The following DOK5 variants were observed in gnomAD, a reference collection of about 807,000 sequenced individuals.
DOK5 encodes downstream of tyrosine kinase 5.
Under a neutral mutation model 43.3 loss-of-function variants are expected in DOK5, and 27 were observed. The ratio of observed to expected loss-of-function variants is 0.62; its 90% CI spans 0.46 to 0.86. DOK5 has a LOEUF of 0.86. Ranked by LOEUF, DOK5 falls within the 40% of genes least tolerant of loss-of-function variation. The probability of loss-of-function intolerance (pLI) is 0.00; values close to 1 mark genes in which losing one functional copy is unlikely to be tolerated. For synonymous variants in DOK5, 146 were observed against 140.1 expected (o/e 1.04, Z -0.30); for missense variants, 373 against 392.9 (o/e 0.95, Z 0.43).
intron 1 of DOK5, among the ~76,000 whole-genome samples, chr20:54,529,262 G>A (rs1383007610): frequency 6.6e-6 from 1 of 152,150 alleles, no homozygotes; most frequent in Non-Finnish European, 1.5e-5. Context: ...TCTTGAAGTA[G>A]TATATTCCAT....
intron 1 of DOK5, among the ~76,000 whole-genome samples, chr20:54,507,497 G>A (rs961668936): frequency 2.6e-5 from 4 of 152,014 alleles, no homozygotes; most frequent in African/African-American, 9.7e-5. Context: ...TTTCTACTAA[G>A]GCATCAAAAA....
At chr20:54,562,114 T>C (rs992046477) in intron 2 of DOK5, among the ~76,000 whole-genome samples, 1 of 152,222 alleles carries the variant, frequency 6.6e-6, no homozygotes, top group African/African-American at 2.4e-5. Flanking sequence ...GTCCGTTGGA[T>C]TTGAATTTCT....
intron 6 of DOK5, among the ~76,000 whole-genome samples, chr20:54,621,688 C>CAAA (rs11449629): frequency 5.3e-5 from 7 of 132,822 alleles, no homozygotes; most frequent in African/African-American, 1.9e-4. Flanking sequence ...GACTCGGCCT[C>CAAA]AAAAAAAAAA....
intron 2 of DOK5, among the ~76,000 whole-genome samples, chr20:54,562,282 AC>A (rs1217984820): frequency 2.0e-5 from 3 of 151,964 alleles, no homozygotes; most frequent in African/African-American, 7.3e-5. Flanking sequence ...ATGTTAGGGA[AC>A]CCTGGTGTAT....
intron 2 of DOK5, among the ~76,000 whole-genome samples, chr20:54,572,601 C>A (rs73911975): frequency 0.017 from 2,563 of 152,252 alleles, 70 homozygotes; most frequent in African/African-American, 0.059. Flanking sequence ...ATGTCAGCCA[C>A]TGCCGCTATT....
chr20:54,572,124 C>T (rs1209789376), intron 2 of DOK5, among the ~76,000 whole-genome samples: 2 of 151,442 alleles, frequency 1.3e-5, no homozygotes, highest in African/African-American at 4.9e-5. Flanking sequence ...AGTTATTCAC[C>T]GTCTGTATGA....
chr20:54,646,312 G>A (rs1287255674), intron 7 of DOK5, among the ~76,000 whole-genome samples: 1 of 135,910 alleles, frequency 7.4e-6, no homozygotes, highest in East Asian at 2.3e-4. Context: ...GGAGTGCAGT[G>A]GTGCGATCAT....
chr20:54,562,883 A>C (rs987271647), intron 2 of DOK5, among the ~76,000 whole-genome samples: 1 of 152,194 alleles, frequency 6.6e-6, no homozygotes, highest in Non-Finnish European at 1.5e-5. Context: ...ATATATGCCT[A>C]AGGTGTAACT....
intron 2 of DOK5, among the ~76,000 whole-genome samples, chr20:54,581,321 G>A (rs1448523066): frequency 1.3e-5 from 2 of 149,902 alleles, no homozygotes; most frequent in African/African-American, 4.9e-5. Flanking sequence ...GTTCTTTTAT[G>A]TTGATTGTTT....
chr20:54,525,008 G>C (rs1479301469), intron 1 of DOK5, among the ~76,000 whole-genome samples: 2 of 152,194 alleles, frequency 1.3e-5, no homozygotes, highest in East Asian at 3.8e-4. Flanking sequence ...GCGGGTGATG[G>C]TCACTGTCCA....
chr20:54,613,754 G>A (rs1986723599), intron 6 of DOK5, among the ~76,000 whole-genome samples: 1 of 152,098 alleles, frequency 6.6e-6, no homozygotes, highest in South Asian at 2.1e-4. Flanking sequence ...AATATTTTAG[G>A]AGGCCTAGGC....
At chr20:54,572,461 C>T (rs187649823) in intron 2 of DOK5, among the ~76,000 whole-genome samples, 92 of 152,108 alleles carry the variant, frequency 6.0e-4, no homozygotes, top group Non-Finnish European at 1.0e-3. Context: ...CGCATCCGGC[C>T]GCAACATTCT....
chr20:54,509,043 G>A (rs1246285801), intron 1 of DOK5, among the ~76,000 whole-genome samples: 1 of 150,714 alleles, frequency 6.6e-6, no homozygotes, highest in African/African-American at 2.4e-5. Context: ...CACCCAGCTA[G>A]TTTTTGTATT....
At chr20:54,562,366 A>T (rs1445956313) in intron 2 of DOK5, among the ~76,000 whole-genome samples, 1 of 152,182 alleles carries the variant, frequency 6.6e-6, no homozygotes, top group Non-Finnish European at 1.5e-5. Context: ...GTTTTGTCTT[A>T]TGGAGAAGAC....
At chr20:54,566,718 G>A (rs1297785123) in intron 2 of DOK5, among the ~76,000 whole-genome samples, 1 of 152,198 alleles carries the variant, frequency 6.6e-6, no homozygotes, top group Non-Finnish European at 1.5e-5. Flanking sequence ...CTGGCCTCAA[G>A]AGATCCTCTC....
At chr20:54,496,083 G>A (rs1185909004) in intron 1 of DOK5, among the ~76,000 whole-genome samples, 1 of 152,180 alleles carries the variant, frequency 6.6e-6, no homozygotes, top group African/African-American at 2.4e-5. Flanking sequence ...ATTAAATTTT[G>A]AAGCTTAGTT....
chr20:54,525,018 A>G (rs1983532213), intron 1 of DOK5, among the ~76,000 whole-genome samples: 1 of 152,214 alleles, frequency 6.6e-6, no homozygotes, highest in Admixed American at 6.5e-5. Context: ...GTCACTGTCC[A>G]GTGGGAGAGC....
chr20:54,598,948 T>C (rs1424765661), intron 5 of DOK5, among the ~76,000 whole-genome samples: 2 of 152,246 alleles, frequency 1.3e-5, no homozygotes, highest in Non-Finnish European at 1.5e-5. Context: ...AAAAAAACTG[T>C]TTACTCCTTT....
chr20:54,583,817 CT>C (rs1282354429), intron 2 of DOK5, among the ~76,000 whole-genome samples: 1 of 151,954 alleles, frequency 6.6e-6, no homozygotes, highest in African/African-American at 2.4e-5. Flanking sequence ...ATCGTTGGAC[CT>C]GGTTTTTAAT....
Sources: gnomAD v4.1 joint callset for allele counts (sites outside exome capture counted in the v4.1 genomes callset) on GRCh38, gnomAD v4.1.1 for gene constraint, MANE v1.5 for transcripts, NCBI Gene and HGNC (gene_info 2026-07-23, HGNC 2026-07-21) for gene names.